CBLB: variants seen among roughly 807,000 people sequenced by gnomAD.
CBLB encodes the protein Cbl proto-oncogene B, also known as E3 ubiquitin-protein ligase CBL-B.
In CBLB, 31 loss-of-function variants were observed where a neutral mutation model predicts 104.9. That is an observed-to-expected ratio of 0.30 (90% CI 0.22 to 0.40). The LOEUF is 0.40. Among genes scored for constraint, CBLB ranks in the 10% least tolerant of loss-of-function variants. CBLB has a pLI of 1.00. For missense variants in CBLB, 1,062 were observed against 1,214.6 expected, an observed-to-expected ratio of 0.87 and a Z score of 1.87; for synonymous variants, 440 against 422.6, an observed-to-expected ratio of 1.04 and a Z score of -0.51.
At chr3:105,684,141 AG>A (rs1410817925) in intron 14 of CBLB, among the ~76,000 whole-genome samples, 4 of 152,230 alleles carry the variant, frequency 2.6e-5, no homozygotes, top group Non-Finnish European at 5.9e-5. Flanking sequence ...AGATGACTGA[AG>A]TAATTGCCAT....
upstream of CBLB, chr3:105,869,179 C>T (rs904714350): frequency 1.6e-6 from 1 of 607,314 alleles, no homozygotes; most frequent in Non-Finnish European, 2.7e-6. Flanking sequence ...CCGTCCACGT[C>T]CTCCACAGTA....
chr3:105,851,126 A>C (rs187225956), intron 3 of CBLB, among the ~76,000 whole-genome samples: 1 of 152,196 alleles, frequency 6.6e-6, no homozygotes, highest in Non-Finnish European at 1.5e-5. Flanking sequence ...AATGGAAGCA[A>C]CCGAGATGTA....
At chr3:105,843,482 T>C (rs982408789) in intron 3 of CBLB, among the ~76,000 whole-genome samples, 11 of 152,180 alleles carry the variant, frequency 7.2e-5, no homozygotes, top group Non-Finnish European at 1.0e-4. Flanking sequence ...AAAACAGGGA[T>C]TGTTAAGAAA....
intron 10 of CBLB, among the ~76,000 whole-genome samples, chr3:105,708,009 A>G (rs930822886): frequency 4.6e-5 from 7 of 152,100 alleles, no homozygotes; most frequent in African/African-American, 1.7e-4. Context: ...TTTCCCCTGT[A>G]CAGGTAATCA....
chr3:105,716,889 T>C (rs1328344613), intron 10 of CBLB, among the ~76,000 whole-genome samples: 1 of 152,088 alleles, frequency 6.6e-6, no homozygotes, highest in Admixed American at 6.6e-5. Context: ...AAGGATCAAT[T>C]TGAAAATGTC....
chr3:105,755,253 C>T (rs917968504), intron 4 of CBLB, among the ~76,000 whole-genome samples: 8 of 151,908 alleles, frequency 5.3e-5, no homozygotes, highest in Non-Finnish European at 1.2e-4. Context: ...TGTTCAATTC[C>T]CACCTATGAG....
At chr3:105,730,893 T>C (rs1165360786) in intron 9 of CBLB, among the ~76,000 whole-genome samples, 1 of 152,172 alleles carries the variant, frequency 6.6e-6, no homozygotes, top group African/African-American at 2.4e-5. Context: ...CACATAACTT[T>C]TAAAATTTTA....
Position 105,703,997 on chromosome 3 carries a change from A to T in CBLB, c.1584T>A (p.Gly528=), listed in dbSNP as rs763412931. 9 of 1,613,970 alleles carry T rather than the reference A, an allele frequency of 5.6e-6. No homozygotes were observed. Among genetic ancestry groups the T allele is most frequent in the Non-Finnish European group, 6.8e-6 (8 of 1,179,838 alleles). The change falls in exon 11 of 19, where the codon GGT becomes GGA. Residue 528 remains glycine (G), a synonymous_variant. Transcript: ENST00000394030. ...IVRSPCGSPT[G]SPKSSPCMVR... ...AATAAAATTGATCTACCTTTGGTGA[A>T]CCCGTTGGGCTGCCACAGGGAGATC...
intron 2 of CBLB, among the ~76,000 whole-genome samples, chr3:105,866,924 T>C (rs542224335): frequency 6.6e-6 from 1 of 152,344 alleles, no homozygotes; most frequent in East Asian, 1.9e-4. Context: ...AGATGAATTC[T>C]CAAAGATGAA....
In CBLB at chr3:105,666,103, A is replaced by C. The variant is rs550626942; in HGVS notation, c.2689+4130T>G. The stretch of plus-strand genomic sequence containing the variant: ...ACTATAGTAAATGCTTAACAAACTT[A>C]ACGAATTTTAATTAGACAAAATAAT... On this transcript the variant is annotated intron_variant, in intron 18 of 18. Transcript: ENST00000394030. Among the ~76,000 whole-genome samples the C allele has an allele frequency of 3.9e-5, 6 of 152,248 alleles. No individual in the cohort carries two copies. In the South Asian group the frequency reaches 1.2e-3, roughly 32 times the overall value.
At chr3:105,751,643 A>G (rs1317956666) in intron 4 of CBLB, 25 bp from the exon 5 acceptor site, 12 of 1,595,440 alleles carry the variant, frequency 7.5e-6, no homozygotes, top group Non-Finnish European at 9.5e-6. Flanking sequence ...AAAAAAGGGA[A>G]ATAATTGAAT....
At chr3:105,745,525 G>A (rs564055857) in intron 6 of CBLB, among the ~76,000 whole-genome samples, 3 of 152,256 alleles carry the variant, frequency 2.0e-5, no homozygotes, top group Non-Finnish European at 4.4e-5. Flanking sequence ...GTGTTCATGT[G>A]CATGTATATG....
intron 3 of CBLB, among the ~76,000 whole-genome samples, chr3:105,807,404 C>T (rs986321906): frequency 2.6e-5 from 4 of 152,152 alleles, no homozygotes; most frequent in Non-Finnish European, 5.9e-5. Flanking sequence ...AGATATTCTG[C>T]ATTACCAGTG....
At chr3:105,741,658 G>A (rs1560043120) in intron 6 of CBLB, among the ~76,000 whole-genome samples, 1 of 152,136 alleles carries the variant, frequency 6.6e-6, no homozygotes, top group Admixed American at 6.5e-5. Flanking sequence ...GCCTCCCAAA[G>A]TGCTGGGATT....
intron 3 of CBLB, among the ~76,000 whole-genome samples, chr3:105,829,503 T>C (rs529409966): frequency 1.3e-5 from 2 of 151,200 alleles, no homozygotes; most frequent in Non-Finnish European, 3.0e-5. Context: ...TACAAAAAAT[T>C]TAAAAATCAG....
intron 2 of CBLB, 34 bp from the exon 3 acceptor site, chr3:105,853,698 A>G (rs1009853957): frequency 1.4e-6 from 2 of 1,440,926 alleles, no homozygotes; most frequent in Non-Finnish European, 1.9e-6. Context: ...ATAAGTCATA[A>G]TATTTTATTT....
intron 3 of CBLB, among the ~76,000 whole-genome samples, chr3:105,816,032 A>G (rs951217326): frequency 3.3e-5 from 5 of 152,226 alleles, no homozygotes; most frequent in African/African-American, 1.2e-4. Context: ...GGAGGGGAAC[A>G]TCACACACTG....
chr3:105,761,646 C>A (rs1053767110), intron 4 of CBLB, among the ~76,000 whole-genome samples: 4 of 152,188 alleles, frequency 2.6e-5, no homozygotes, highest in Non-Finnish European at 5.9e-5. Context: ...GCCCATTAAA[C>A]CTCTTTTTCT....
intron 6 of CBLB, among the ~76,000 whole-genome samples, chr3:105,745,076 T>C (rs554440617): frequency 1.3e-5 from 2 of 152,310 alleles, no homozygotes; most frequent in South Asian, 2.1e-4. Context: ...GTTCTCTATA[T>C]GAAAATCAGA....
Sources: allele counts gnomAD v4.1 joint callset (sites outside exome capture counted in the v4.1 genomes callset), GRCh38; gene constraint gnomAD v4.1.1; transcripts MANE v1.5; gene names NCBI Gene and HGNC (gene_info 2026-07-23, HGNC 2026-07-21).